Variants in NRG1 observed in about 807,000 individuals in gnomAD.
NRG1 encodes the protein pro-neuregulin-1, membrane-bound isoform.
NRG1 carries 18 observed loss-of-function variants against 63.8 expected under a neutral mutation model. The observed-to-expected ratio is 0.28, with a 90% confidence interval of 0.19 to 0.42. NRG1 has a LOEUF of 0.42. Among genes scored for constraint, NRG1 ranks in the 10% least tolerant of loss-of-function variants. The probability of loss-of-function intolerance (pLI) is 1.00; values close to 1 mark genes in which losing one functional copy is unlikely to be tolerated. For missense variants in NRG1, 762 were observed against 814.7 expected, an observed-to-expected ratio of 0.94 and a Z score of 0.79; for synonymous variants, 302 against 301.3, an observed-to-expected ratio of 1.00 and a Z score of -0.02.
intron 7 of NRG1, among the ~76,000 whole-genome samples, chr8:32,745,416 A>T (rs773697245): frequency 2.2e-4 from 33 of 152,200 alleles, no homozygotes; most frequent in Non-Finnish European, 4.0e-4. Flanking sequence ...TAAAACTTAC[A>T]TTATTCAGAC....
chr8:32,633,613 T>C (rs1850742791), intron 5 of NRG1, among the ~76,000 whole-genome samples: 1 of 152,180 alleles, frequency 6.6e-6, no homozygotes, highest in Admixed American at 6.5e-5. Flanking sequence ...ACTGCACAAA[T>C]AGAATCCATT....
At chr8:32,320,367 G>T (rs1801236236) in intron 1 of NRG1, among the ~76,000 whole-genome samples, 1 of 152,038 alleles carries the variant, frequency 6.6e-6, no homozygotes, top group Non-Finnish European at 1.5e-5. Flanking sequence ...CTCTGTTTCA[G>T]TCCATTCTCT....
chr8:31,647,622 G>T (rs1804416261), intron 1 of NRG1, among the ~76,000 whole-genome samples: 1 of 152,180 alleles, frequency 6.6e-6, no homozygotes, highest in Non-Finnish European at 1.5e-5. Flanking sequence ...GCCCCTTGGT[G>T]GTTGCCAGGA....
intron 7 of NRG1, chr8:32,749,562 G>C: frequency 6.2e-7 from 1 of 1,613,830 alleles, no homozygotes; most frequent in Non-Finnish European, 8.5e-7. Context: ...CATTGGCAGA[G>C]CATCTTGGGA....
At chr8:31,670,511 A>G (rs1037258976) in intron 1 of NRG1, among the ~76,000 whole-genome samples, 1 of 152,190 alleles carries the variant, frequency 6.6e-6, no homozygotes, top group Non-Finnish European at 1.5e-5. Context: ...GGTGGTAAAC[A>G]GGAAATGGGA....
chr8:31,868,118 C>A (rs1239306004), intron 1 of NRG1, among the ~76,000 whole-genome samples: 1 of 139,500 alleles, frequency 7.2e-6, no homozygotes. Context: ...ACTCTACCAT[C>A]CCAAACACAC....
chr8:31,987,322 G>A (rs1377940051), intron 1 of NRG1, among the ~76,000 whole-genome samples: 2 of 134,438 alleles, frequency 1.5e-5, no homozygotes, highest in African/African-American at 6.8e-5. Flanking sequence ...ACATATATAT[G>A]TGTGTGTGTG....
intron 6 of NRG1, among the ~76,000 whole-genome samples, chr8:32,737,215 G>A (rs930007233): frequency 6.6e-6 from 1 of 152,090 alleles, no homozygotes; most frequent in Admixed American, 6.6e-5. Flanking sequence ...GATTTTATTG[G>A]AGGGAGGGAG....
intron 1 of NRG1, among the ~76,000 whole-genome samples, chr8:31,997,876 G>A (rs550506157): frequency 3.3e-5 from 5 of 151,968 alleles, no homozygotes; most frequent in South Asian, 2.1e-4. Flanking sequence ...TCTCCATCTC[G>A]CAAATAAGGA....
chr8:32,597,296 AT>A (rs1843527088), intron 2 of NRG1, among the ~76,000 whole-genome samples: 1 of 152,332 alleles, frequency 6.6e-6, no homozygotes, highest in East Asian at 1.9e-4. Flanking sequence ...GAGCAAAGTG[AT>A]TACAATGAGA....
intron 1 of NRG1, among the ~76,000 whole-genome samples, chr8:32,101,324 C>T (rs1478021616): frequency 6.6e-6 from 1 of 152,106 alleles, no homozygotes; most frequent in Non-Finnish European, 1.5e-5. Context: ...AGGCAATCTT[C>T]CACTCAGGAC....
rs1336594756 is a variant in NRG1 at position 31,768,723 on chromosome 8, CCTT to C, written c.37+129296_37+129298del. Among the ~76,000 whole-genome samples, 6 of 152,190 alleles carry C rather than the reference CCTT, an allele frequency of 3.9e-5. No homozygotes were observed. In the East Asian group the frequency reaches 1.2e-3, roughly 29 times the overall value. On this transcript the variant is annotated intron_variant, in intron 1 of 10. Transcript: ENST00000519301. ...TTTGGGAACCCTAAGTACAGTTTCT[CCTT>C]CTTACATAGAGACTTGATGTTCCTA...
intron 1 of NRG1, among the ~76,000 whole-genome samples, chr8:32,258,771 G>A (rs2129471340): frequency 6.6e-6 from 1 of 152,238 alleles, no homozygotes; most frequent in East Asian, 1.9e-4. Flanking sequence ...CTCCACACAT[G>A]GGGATTATGG....
At chr8:32,027,456 C>CCTTT (rs1412244593) in intron 1 of NRG1, among the ~76,000 whole-genome samples, 4 of 126,670 alleles carry the variant, frequency 3.2e-5, no homozygotes, top group East Asian at 5.2e-4. Context: ...TTCCTTCCTT[C>CCTTT]CTTCCTTCCT....
chr8:32,402,482 A>G (rs532353100), intron 1 of NRG1, among the ~76,000 whole-genome samples: 44 of 152,234 alleles, frequency 2.9e-4, no homozygotes, highest in African/African-American at 1.0e-3. Context: ...GCGTGATGAA[A>G]TCTTGCCCTG....
Position 32,742,573 on chromosome 8 carries a change from A to C in NRG1, c.633-102A>C. 1 of 1,076,338 alleles carries C rather than the reference A, an allele frequency of 9.3e-7. No homozygotes were observed. The highest frequency in any genetic ancestry group is 1.4e-6 in the Non-Finnish European group (1 of 720,100). 66.7% of individuals were successfully genotyped at this position (1,076,338 alleles called of 1,614,324 possible). On this transcript the variant is annotated intron_variant, in intron 6 of 11. Transcript: ENST00000356819. The surrounding 1 kb of genome is among the most constrained non-coding windows in gnomAD (Gnocchi z 4.2). ...TCAGTTCCTGAGGGTGAACTCACCA[A>C]GTTTCAGTCAAATGACACTGAAGGA...
intron 1 of NRG1, among the ~76,000 whole-genome samples, chr8:32,369,002 C>G (rs1159948018): frequency 1.3e-5 from 2 of 152,176 alleles, no homozygotes; most frequent in Non-Finnish European, 2.9e-5. Context: ...CATGTGCAAA[C>G]AGTGCATGCT....
chr8:32,307,692 T>A (rs1856371139), intron 1 of NRG1, among the ~76,000 whole-genome samples: 1 of 151,744 alleles, frequency 6.6e-6, no homozygotes, highest in Non-Finnish European at 1.5e-5. Flanking sequence ...CAGTCTAGAT[T>A]GCTACAGGCA....
At chr8:32,368,819 G>A (rs1430092759) in intron 1 of NRG1, among the ~76,000 whole-genome samples, 1 of 152,134 alleles carries the variant, frequency 6.6e-6, no homozygotes, top group African/African-American at 2.4e-5. Flanking sequence ...AAAAAATGAT[G>A]TAAACTTATT....
Sources: allele counts gnomAD v4.1 joint callset (sites outside exome capture counted in the v4.1 genomes callset), GRCh38; gene constraint gnomAD v4.1.1; non-coding constraint Gnocchi (gnomAD v3.1); transcripts MANE v1.5; gene names NCBI Gene and HGNC (gene_info 2026-07-23, HGNC 2026-07-21).